Variants in VCAN observed in about 807,000 individuals in gnomAD.
VCAN encodes versican.
A neutral mutation model predicts 245.5 loss-of-function variants in VCAN; 44 were observed. The ratio of observed to expected loss-of-function variants is 0.18; its 90% CI spans 0.14 to 0.23. VCAN has a LOEUF of 0.23. Among genes scored for constraint, VCAN ranks in the 10% least tolerant of loss-of-function variants. VCAN has a pLI of 1.00. For synonymous variants in VCAN, 1,413 were observed against 1,437.0 expected, an observed-to-expected ratio of 0.98 and a Z score of 0.38; for missense variants, 3,793 against 4,057.9, an observed-to-expected ratio of 0.93 and a Z score of 1.77.
Position 83,538,121 on chromosome 5 carries a change from A to C in VCAN, c.5118A>C (p.Val1706=). The C allele has an allele frequency of 6.2e-7, 1 of 1,614,080 alleles. No homozygotes were observed. Among genetic ancestry groups the C allele is most frequent in the Non-Finnish European group, 8.5e-7 (1 of 1,179,980 alleles). Residue 1706 remains valine (V), a synonymous_variant, in exon 8 of 15, where the codon GTA becomes GTC. Coordinates refer to ENST00000265077, the MANE Select transcript of VCAN (RefSeq NM_004385.5). The part of the protein sequence containing the change: ...PSAKVVPTKF[V]SETDTSEWIS... ...CAAAAGTGGTGCCTACCAAGTTTGTAAGTGAAACAGACACTTCTGAGTGGA... is the reference window on the plus strand; with the variant it reads ...CAAAAGTGGTGCCTACCAAGTTTGTCAGTGAAACAGACACTTCTGAGTGGA...
At position 83,554,812 on chromosome 5, in the gene VCAN, A is replaced by G. The variant is rs2290673; in HGVS notation, c.9653-144A>G. The G allele has an allele frequency of 0.38, 289,585 of 753,876 alleles. 56,947 individuals are homozygous for G. The highest frequency in any genetic ancestry group is 0.45 in the Admixed American group (21,723 of 48,676). The allele number at this position is 753,876 out of a possible 1,614,324, so 46.7% of individuals were successfully genotyped here. A position where few individuals can be genotyped will look rare whatever the true frequency, so the allele number is the denominator to read the frequency against. The stretch of plus-strand genomic sequence containing the variant: ...TGGGCAGAAGAACAAAAGGTAGACT[A>G]GGAGAGATTTTTATGAGCAACTAAA... On this transcript the variant is annotated intron_variant, in intron 11 of 14. Transcript: ENST00000265077.
chr5:83,482,255 A>G (rs1247549561), intron 1 of VCAN, among the ~76,000 whole-genome samples: 1 of 152,248 alleles, frequency 6.6e-6, no homozygotes, highest in Non-Finnish European at 1.5e-5. Context: ...GATAATGTCC[A>G]GGGAAGAAAA....
intron 12 of VCAN, 89 bp downstream of exon 12, chr5:83,555,127 C>G: frequency 7.3e-7 from 1 of 1,376,804 alleles, no homozygotes. Flanking sequence ...GTGCATTAGA[C>G]TGGAGGCAAG....
At chr5:83,575,591 ATTCT>A (rs1312459550) in intron 13 of VCAN, among the ~76,000 whole-genome samples, 4 of 152,156 alleles carry the variant, frequency 2.6e-5, no homozygotes, top group Admixed American at 2.0e-4. Context: ...TGGTCAGATA[ATTCT>A]TTATTTTGAG....
chr5:83,550,386 C>T (rs968045050), intron 10 of VCAN, among the ~76,000 whole-genome samples: 17 of 152,090 alleles, frequency 1.1e-4, no homozygotes, highest in African/African-American at 4.1e-4. Context: ...CATAAGATGT[C>T]TTTCCATGCA....
chr5:83,554,861 A>T, intron 11 of VCAN, 95 bp from the exon 12 acceptor site: 5 of 1,135,928 alleles, frequency 4.4e-6, no homozygotes, highest in Non-Finnish European at 6.6e-6. Flanking sequence ...AGTAAAGAGG[A>T]TGCATGATTC....
chr5:83,496,227 A>G (rs527455970), intron 5 of VCAN, among the ~76,000 whole-genome samples: 19 of 152,322 alleles, frequency 1.2e-4, no homozygotes, highest in Admixed American at 1.2e-3. Context: ...GGATGTATGC[A>G]TATCTCCCAT....
rs754472387 is a variant in VCAN at position 83,539,067 on chromosome 5, G to T, written c.6064G>T (p.Val2022Phe). ...GCAACTGGTCACAGTCAGCAGCTCT[G>T]TTGTTCCAGTGCTTCCCAGTGCTGT... ...GEQLVTVSSS[V>F]VPVLPSAVQK... The change falls in exon 8 of 15, where the codon GTT (valine) becomes TTT (phenylalanine). Residue 2022 changes from valine to phenylalanine, a missense_variant. Around this residue, in one of 5 missense-constraint regions of VCAN, gnomAD observed 3,182 missense variants for 3,250.3 expected, o/e 0.98. Coordinates refer to ENST00000265077, the MANE Select transcript of VCAN (RefSeq NM_004385.5). 1 of 1,614,010 alleles carries T rather than the reference G, an allele frequency of 6.2e-7. No individual in the cohort carries two copies. Among genetic ancestry groups the T allele is most frequent in the South Asian group, 1.1e-5 (1 of 91,088 alleles).
At chr5:83,553,216 C>A (rs1747536481) in intron 10 of VCAN, 148 bp from the exon 11 acceptor site, 2 of 1,014,832 alleles carry the variant, frequency 2.0e-6, no homozygotes, top group Non-Finnish European at 3.0e-6. Flanking sequence ...ATAATAATTT[C>A]TTTGTCATCG....
intron 12 of VCAN, chr5:83,562,433 C>T (rs944368080): frequency 6.6e-6 from 1 of 152,068 alleles, no homozygotes; most frequent in African/African-American, 2.4e-5. Context: ...TCTTTCAGTT[C>T]AGATAGCTAG....
Position 83,575,256 on chromosome 5 carries a change from G to T in VCAN, c.9880+2696G>T, listed in dbSNP as rs149773422. Among the ~76,000 whole-genome samples, 4 of 152,250 alleles carry T rather than the reference G, an allele frequency of 2.6e-5. No individual in the cohort carries two copies. The East Asian group carries it at 5.8e-4, about 22-fold the overall frequency. ...AAAGTCAGCTGTTAGCAATAAGTAC[G>T]TTAGTCTGCTGTTTTCTCACCCAAG... On this transcript the variant is annotated intron_variant, in intron 13 of 14. Transcript: ENST00000265077.
chr5:83,481,650 T>C (rs918863722), intron 1 of VCAN, among the ~76,000 whole-genome samples: 18 of 152,164 alleles, frequency 1.2e-4, no homozygotes, highest in African/African-American at 3.6e-4. Flanking sequence ...ATCAACCATA[T>C]GTTTTTCATT....
chr5:83,477,425 A>C (rs1186427912), intron 1 of VCAN, among the ~76,000 whole-genome samples: 1 of 152,208 alleles, frequency 6.6e-6, no homozygotes, highest in Non-Finnish European at 1.5e-5. Flanking sequence ...AAATGGTTTC[A>C]GGACAATTGA....
intron 1 of VCAN, among the ~76,000 whole-genome samples, chr5:83,475,524 A>G (rs1053926467): frequency 4.6e-5 from 7 of 152,228 alleles, no homozygotes; most frequent in Non-Finnish European, 2.9e-5. Flanking sequence ...ATATAAAAAT[A>G]GGAAGGTACC....
chr5:83,494,303 C>T (rs771084840), intron 5 of VCAN, among the ~76,000 whole-genome samples: 9 of 152,174 alleles, frequency 5.9e-5, no homozygotes, highest in South Asian at 2.1e-4. Context: ...AATCCAAGTA[C>T]TGATAAACAC....
chr5:83,577,756 T>C (rs1243951645), intron 13 of VCAN, among the ~76,000 whole-genome samples: 1 of 152,204 alleles, frequency 6.6e-6, no homozygotes, highest in African/African-American at 2.4e-5. Context: ...TATTTCTGTA[T>C]GAATACACAA....
At chr5:83,519,286 C>T (rs1745977864) in intron 6 of VCAN, 63 bp from the exon 7 acceptor site, 10 of 1,564,116 alleles carry the variant, frequency 6.4e-6, no homozygotes, top group African/African-American at 1.4e-5. Flanking sequence ...ACTTAACAAA[C>T]ACTGGGCATA....
chr5:83,508,015 T>TGTGCAAAATGAGCTTC (rs1204660189), intron 5 of VCAN, among the ~76,000 whole-genome samples: 1 of 152,228 alleles, frequency 6.6e-6, no homozygotes, highest in East Asian at 1.9e-4. Flanking sequence ...TGGTTTACTT[T>TGTGCAAAATGAGCTTC]GTGCAAAATG....
chr5:83,507,542 G>A (rs558138991), intron 5 of VCAN, among the ~76,000 whole-genome samples: 2 of 152,238 alleles, frequency 1.3e-5, no homozygotes, highest in Non-Finnish European at 2.9e-5. Flanking sequence ...TGTTGAGAGA[G>A]AGCAACTAAG....
Sources: allele counts gnomAD v4.1 joint callset (sites outside exome capture counted in the v4.1 genomes callset), GRCh38; gene constraint gnomAD v4.1.1; regional missense constraint gnomAD v4.1.1; transcripts MANE v1.5; gene names NCBI Gene and HGNC (gene_info 2026-07-23, HGNC 2026-07-21).